The following CLN6 variants were observed in gnomAD, a reference collection of about 807,000 sequenced individuals.
The protein encoded by CLN6 is CLN6 transmembrane ER protein, also known as ceroid-lipofuscinosis neuronal protein 6.
CLN6 carries 22 observed loss-of-function variants against 33.3 expected under a neutral mutation model. That is an observed-to-expected ratio of 0.66 (90% CI 0.47 to 0.94). The LOEUF (loss-of-function observed/expected upper bound fraction) is 0.94. CLN6 is among the 40% of genes least tolerant of loss of function. The pLI is 0.00. For synonymous variants in CLN6, 201 were observed against 174.6 expected (o/e 1.15, Z -1.19); for missense variants, 387 against 417.1 (o/e 0.93, Z 0.63).
rs150528709 is a variant in CLN6, at chr15:68,220,999, TTTATTATTA to T, written c.84-2358_84-2350del. On this transcript the variant is annotated intron_variant, in intron 1 of 6. Transcript: ENST00000249806. The surrounding 1 kb of genome is among the most constrained non-coding windows in gnomAD (Gnocchi z 4.2). The stretch of plus-strand genomic sequence containing the variant: ...TGCCACTATGCCCAGCTAATTTTAT[TTTATTATTA>T]TTATTATTATTATTATTATTTTTTG... 1.7e-3 allele frequency among the ~76,000 whole-genome samples: 250 copies of T among 146,192 alleles called. 2 individuals are homozygous for T. The highest frequency in any genetic ancestry group is 5.6e-3 in the African/African-American group (221 of 39,718).
rs367975019 is a variant in CLN6 at position 68,228,184 on chromosome 15, G to T, written c.83+1318C>A. ...TTGTTTCTAAGTGAAAACGGACACAGTCCGCAGCTGCTCAGCCCGCATGTC... is the reference window on the plus strand; with the variant it reads ...TTGTTTCTAAGTGAAAACGGACACATTCCGCAGCTGCTCAGCCCGCATGTC... On this transcript the variant is annotated intron_variant, in intron 1 of 6. Coordinates refer to ENST00000249806, the MANE Select transcript of CLN6 (RefSeq NM_017882.3). This position sits in a 1 kb window ranked among gnomAD's most constrained non-coding sequence, Gnocchi z 4.4. Among the ~76,000 whole-genome samples the T allele has an allele frequency of 1.3e-5, 2 of 152,310 alleles. No homozygotes were observed. The highest frequency in any genetic ancestry group is 4.8e-5 in the African/African-American group (2 of 41,564).
At chr15:68,235,636 A>C (rs1892214274) in intron 1 of CLN6, among the ~76,000 whole-genome samples, 1 of 145,586 alleles carries the variant, frequency 6.9e-6, no homozygotes. Context: ...ATATATATCG[A>C]TTAATCGATG....
intron 1 of CLN6, among the ~76,000 whole-genome samples, chr15:68,249,069 T>G (rs1226966399): frequency 6.6e-6 from 1 of 152,210 alleles, no homozygotes; most frequent in African/African-American, 2.4e-5. Context: ...AGGTATTTTT[T>G]AAAATGCTCA....
chr15:68,237,382 G>A lies in CLN6; in HGVS notation c.180-18732C>T, dbSNP rs541120245. Among the ~76,000 whole-genome samples the A allele has an allele frequency of 4.6e-5, 7 of 152,148 alleles. No individual in the cohort carries two copies. The South Asian group carries it at 1.5e-3, about 32-fold the overall frequency. On this transcript the variant is annotated intron_variant, in intron 1 of 6. Transcript: ENST00000538696. ...TGCTCCGGTAGTTCCAGCTACTGAG[G>A]AAGCTGAAGCTGGAGGGATCCCTTG...
intron 1 of CLN6, among the ~76,000 whole-genome samples, chr15:68,243,035 G>A (rs762171246): frequency 6.6e-6 from 1 of 152,352 alleles, no homozygotes; most frequent in South Asian, 2.1e-4. Flanking sequence ...TATACAAGGT[G>A]TATGGGGAAT....
At chr15:68,215,538 TG>T in intron 2 of CLN6, 1 of 152,168 alleles carries the variant, frequency 6.6e-6, no homozygotes, top group Non-Finnish European at 1.5e-5. Context: ...GGTCTCCTTA[TG>T]TTGACCAGGC....
upstream of CLN6, chr15:68,229,754 C>CGGAGT: frequency 3.2e-5 from 3 of 95,228 alleles, no homozygotes; most frequent in Non-Finnish European, 7.3e-5. Context: ...CGGGGCGGGG[C>CGGAGT]GGAGCGGAGC....
upstream of CLN6, chr15:68,229,824 C>T (rs2093265077): frequency 6.4e-6 from 2 of 312,532 alleles, no homozygotes; most frequent in East Asian, 5.6e-5. Flanking sequence ...TAGGGGAGGG[C>T]CGGGCGCTGC....
In CLN6 at chr15:68,227,023, T is replaced by C. The variant is rs1356130495; in HGVS notation, c.83+2479A>G. Among the ~76,000 whole-genome samples the C allele has an allele frequency of 2.0e-5, 3 of 151,242 alleles. No homozygotes were observed. Among genetic ancestry groups the C allele is most frequent in the African/African-American group, 7.4e-5 (3 of 40,812 alleles). ...TTATCACGGGCACTAATTATAATAC[T>C]TTCTTTTCTTTTCTTTTTTTACTTT... is the stretch of plus-strand genomic sequence containing the variant. On this transcript the variant is annotated intron_variant, in intron 1 of 6. Coordinates refer to ENST00000249806, the MANE Select transcript of CLN6 (RefSeq NM_017882.3). This position sits in a 1 kb window ranked among gnomAD's most constrained non-coding sequence, Gnocchi z 4.1.
intron 1 of CLN6, among the ~76,000 whole-genome samples, chr15:68,240,706 G>A (rs1205366651): frequency 6.6e-6 from 1 of 150,626 alleles, no homozygotes; most frequent in Non-Finnish European, 1.5e-5. Flanking sequence ...GGACAGGGCC[G>A]GGTGCGGTGG....
rs1159566051 is a variant in CLN6, at chr15:68,228,537, A to C, written c.83+965T>G. Among the ~76,000 whole-genome samples the C allele has an allele frequency of 6.6e-6, 1 of 152,152 alleles. No homozygotes were observed. The highest frequency in any genetic ancestry group is 1.5e-5 in the Non-Finnish European group (1 of 68,028). On this transcript the variant is annotated intron_variant, in intron 1 of 6. Transcript: ENST00000249806. This position sits in a 1 kb window ranked among gnomAD's most constrained non-coding sequence, Gnocchi z 4.4. The stretch of plus-strand genomic sequence containing the variant: ...CTGCAATTAAAGGCCCTTCACAATC[A>C]GTCTGCATCCTCCTGTCACTTTCTT...
In CLN6 at chr15:68,210,890, C is replaced by A. The variant is rs894785867; in HGVS notation, c.542+373G>T. Among the ~76,000 whole-genome samples the A allele has an allele frequency of 6.6e-6, 1 of 152,162 alleles. No homozygotes were observed. Among genetic ancestry groups the A allele is most frequent in the African/African-American group, 2.4e-5 (1 of 41,448 alleles). On this transcript the variant is annotated intron_variant, in intron 5 of 6. Transcript: ENST00000249806. The surrounding 1 kb of genome is among the most constrained non-coding windows in gnomAD (Gnocchi z 5.6). ...GCTGTGCCCCCACCCCCTGCCATCA[C>A]CATCTGGGGGTTGTTTATCAGGGAC...
Position 68,224,947 on chromosome 15 carries a change from C to T in CLN6, c.83+4555G>A, listed in dbSNP as rs567457646. ...CTACCATATGGGGACAATGACACCA[C>T]GACAGTTGAGGAGTGCATGCCATAC... On this transcript the variant is annotated intron_variant, in intron 1 of 6. Transcript: ENST00000249806. Among the ~76,000 whole-genome samples, 27 of 152,208 alleles carry T rather than the reference C, an allele frequency of 1.8e-4. 1 individual carries two copies. The highest frequency in any genetic ancestry group is 1.4e-4 in the African/African-American group (6 of 41,498).
upstream of CLN6, among the ~76,000 whole-genome samples, chr15:68,233,237 C>T (rs1892182574): frequency 1.5e-5 from 2 of 134,826 alleles, no homozygotes; most frequent in South Asian, 4.9e-4. This position sits in a 1 kb window ranked among gnomAD's most constrained non-coding sequence, Gnocchi z 4.3. Context: ...CCCTGCTCTG[C>T]TTCTTTGGAA....
At position 68,219,857 on chromosome 15, in the gene CLN6, C is replaced by G. The variant is rs566656800; in HGVS notation, c.84-1207G>C. ...TGTGGGTTTCATCGTCTCGTTTGTG[C>G]CAAGAACAGGCGCCATGGACCACAA... On this transcript the variant is annotated intron_variant, in intron 1 of 6. Coordinates refer to ENST00000249806, the MANE Select transcript of CLN6 (RefSeq NM_017882.3). This position sits in a 1 kb window ranked among gnomAD's most constrained non-coding sequence, Gnocchi z 4.2. Among the ~76,000 whole-genome samples, 1 of 152,298 alleles carries G rather than the reference C, an allele frequency of 6.6e-6. No individual in the cohort carries two copies. The highest frequency in any genetic ancestry group is 2.4e-5 in the African/African-American group (1 of 41,556).
intron 2 of CLN6, among the ~76,000 whole-genome samples, chr15:68,215,797 T>C (rs1227247917): frequency 2.0e-5 from 3 of 152,122 alleles, no homozygotes; most frequent in African/African-American, 7.2e-5. Context: ...AAATAAAGTA[T>C]AAAGCAAAAT....
At chr15:68,233,441 T>G (rs1892186256), upstream of CLN6, among the ~76,000 whole-genome samples, 1 of 152,144 alleles carries the variant, frequency 6.6e-6, no homozygotes, top group Non-Finnish European at 1.5e-5. The surrounding 1 kb of genome is among the most constrained non-coding windows in gnomAD (Gnocchi z 4.3). Flanking sequence ...CCTAATTTCA[T>G]CATTCTGCAG....
At position 68,256,185 on chromosome 15, in the gene CLN6, C is replaced by T. The variant is rs1390692138; in HGVS notation, c.179+505G>A. Among the ~76,000 whole-genome samples, 3 of 151,844 alleles carry T rather than the reference C, an allele frequency of 2.0e-5. No homozygotes were observed. The highest frequency in any genetic ancestry group is 4.4e-5 in the Non-Finnish European group (3 of 67,968). ...GCAGTGGCGCCATCTCGGCTCACTG[C>T]AACCTCTGCCTCCCAGGTTCAAGCG... On this transcript the variant is annotated intron_variant, in intron 1 of 6. Coordinates refer to the CLN6 transcript ENST00000538696. This position sits in a 1 kb window ranked among gnomAD's most constrained non-coding sequence, Gnocchi z 4.1.
At chr15:68,251,055 AT>A (rs779388626) in intron 1 of CLN6, among the ~76,000 whole-genome samples, 129 of 152,336 alleles carry the variant, frequency 8.5e-4, no homozygotes, top group Non-Finnish European at 1.5e-3. Context: ...AAGAAACTGA[AT>A]CCAACATTAT....
Sources: gnomAD v4.1 joint callset for allele counts (sites outside exome capture counted in the v4.1 genomes callset) on GRCh38, gnomAD v4.1.1 for gene constraint, Gnocchi (gnomAD v3.1) non-coding constraint, MANE v1.5 for transcripts, NCBI Gene and HGNC (gene_info 2026-07-23, HGNC 2026-07-21) for gene names.